The following INTS2 variants were observed in gnomAD, a reference collection of about 807,000 sequenced individuals.
INTS2 encodes KIAA1287.
Under a neutral mutation model 139.6 loss-of-function variants are expected in INTS2, and 57 were observed. The ratio of observed to expected loss-of-function variants is 0.41; its 90% CI spans 0.33 to 0.51. The LOEUF is 0.51. INTS2 is among the 20% of genes least tolerant of loss of function. INTS2 has a pLI of 0.28. For synonymous variants in INTS2, 473 were observed against 493.4 expected, an observed-to-expected ratio of 0.96 and a Z score of 0.55; for missense variants, 1,196 against 1,436.7, an observed-to-expected ratio of 0.83 and a Z score of 2.71.
intron 7 of INTS2, among the ~76,000 whole-genome samples, chr17:61,908,066 A>G (rs996054098): frequency 7.2e-5 from 11 of 152,222 alleles, no homozygotes; most frequent in African/African-American, 2.7e-4. Flanking sequence ...TTCCTTAATG[A>G]CAAGGAAATA....
intron 17 of INTS2, among the ~76,000 whole-genome samples, chr17:61,879,222 C>T (rs1603373506): frequency 6.6e-6 from 1 of 151,752 alleles, no homozygotes; most frequent in East Asian, 1.9e-4. Flanking sequence ...CCAGCCCAGA[C>T]TGATTTTAAA....
At position 61,923,750 on chromosome 17, in the gene INTS2, G is replaced by A. The variant is rs149097485; in HGVS notation, c.432+1211C>T. Among the ~76,000 whole-genome samples the A allele has an allele frequency of 7.9e-5, 12 of 151,652 alleles. No individual in the cohort carries two copies. The East Asian group carries it at 2.4e-3, about 30-fold the overall frequency. On this transcript the variant is annotated intron_variant, in intron 3 of 24. Coordinates refer to ENST00000251334, the MANE Select transcript of INTS2 (RefSeq NM_001351695.2). ...GCTGGAGTGCAATGGCACAATCTCG[G>A]CTCACCACAACCTCCACCTCCCAGG...
chr17:61,924,183 T>C (rs937331144), intron 3 of INTS2, among the ~76,000 whole-genome samples: 3 of 152,204 alleles, frequency 2.0e-5, no homozygotes, highest in Admixed American at 2.0e-4. Flanking sequence ...CTGTCATATA[T>C]GAGGCTGTTA....
intron 16 of INTS2, among the ~76,000 whole-genome samples, chr17:61,881,669 T>C (rs769744480): frequency 1.7e-4 from 26 of 152,152 alleles, no homozygotes; most frequent in Non-Finnish European, 3.2e-4. Flanking sequence ...TGCAGAATAA[T>C]GAATACCATC....
chr17:61,896,717 C>T (rs538027251), intron 11 of INTS2, among the ~76,000 whole-genome samples: 1 of 151,950 alleles, frequency 6.6e-6, no homozygotes, highest in South Asian at 2.1e-4. Flanking sequence ...TAAGTGATAC[C>T]ACTGTTCATC....
intron 3 of INTS2, among the ~76,000 whole-genome samples, chr17:61,923,619 G>A (rs1035566609): frequency 6.0e-5 from 9 of 151,222 alleles, no homozygotes; most frequent in Non-Finnish European, 1.0e-4. Flanking sequence ...TAAATTAACT[G>A]ACTCCCCAAA....
chr17:61,918,920 G>A (rs1004455434), intron 5 of INTS2, among the ~76,000 whole-genome samples: 2 of 147,102 alleles, frequency 1.4e-5, no homozygotes, highest in African/African-American at 4.9e-5. Flanking sequence ...CTAGTTCCTT[G>A]GGGTTTTTTT....
At chr17:61,894,818 A>G (rs1329435188) in intron 12 of INTS2, among the ~76,000 whole-genome samples, 2 of 150,956 alleles carry the variant, frequency 1.3e-5, no homozygotes, top group African/African-American at 4.9e-5. Flanking sequence ...ACTGTATACT[A>G]GCCTGGGTGA....
At chr17:61,879,968 T>G (rs746827225) in intron 17 of INTS2, among the ~76,000 whole-genome samples, 10 of 152,244 alleles carry the variant, frequency 6.6e-5, no homozygotes, top group Admixed American at 1.3e-4. Context: ...TATATAGGTG[T>G]TATAGCTCAC....
Position 61,893,210 on chromosome 17 carries a change from T to C in INTS2, c.1698+555A>G, listed in dbSNP as rs1483803875. On this transcript the variant is annotated intron_variant, in intron 13 of 24. Transcript: ENST00000251334. The surrounding 1 kb of genome is among the most constrained non-coding windows in gnomAD (Gnocchi z 5.4). The stretch of plus-strand genomic sequence containing the variant: ...AATGGAGTATTATGCATTTTGAAAA[T>C]CTTACATTGTTTTAAAAATCTGAAA... 6.6e-6 allele frequency among the ~76,000 whole-genome samples: 1 copy of C among 151,982 alleles called. No homozygotes were observed. Among genetic ancestry groups the C allele is most frequent in the African/African-American group, 2.4e-5 (1 of 41,376 alleles).
chr17:61,886,501 A>T (rs2079230230), intron 15 of INTS2, among the ~76,000 whole-genome samples: 1 of 152,120 alleles, frequency 6.6e-6, no homozygotes, highest in Non-Finnish European at 1.5e-5. Flanking sequence ...TTGTTTAAAT[A>T]TCTTCTATGG....
intron 16 of INTS2, among the ~76,000 whole-genome samples, chr17:61,881,510 T>C (rs2079178627): frequency 6.6e-6 from 1 of 152,002 alleles, no homozygotes; most frequent in Non-Finnish European, 1.5e-5. Context: ...GGCAGGAGAA[T>C]CACTTGAACC....
At chr17:61,907,771 T>C (rs1349194706) in intron 7 of INTS2, 137 bp from the exon 8 acceptor site, 4 of 649,958 alleles carry the variant, frequency 6.2e-6, no homozygotes, top group Non-Finnish European at 1.1e-5. Flanking sequence ...CAGAATCTCA[T>C]TTTAACCAAT....
In INTS2 at chr17:61,927,683, C is replaced by T. The variant is rs1334025271; in HGVS notation, c.-48G>A. 7.0e-7 allele frequency: 1 copy of T among 1,430,998 alleles called. No individual in the cohort carries two copies. The highest frequency in any genetic ancestry group is 2.6e-5 in the East Asian group (1 of 39,056). The allele number at this position is 1,430,998 out of a possible 1,614,324, so 88.6% of individuals were successfully genotyped here. On this transcript the variant is annotated 5_prime_UTR_variant, in exon 1 of 25. Transcript: ENST00000251334. ...AGATCTACCCTCCAGCCTCACGGAA[C>T]CGCACACGGACTCCGCGTCCTAGAG... is the stretch of plus-strand genomic sequence containing the variant.
At chr17:61,924,884 GTC>G in intron 3 of INTS2, 75 bp downstream of exon 3, 1 of 1,437,856 alleles carries the variant, frequency 7.0e-7, no homozygotes, top group Non-Finnish European at 9.6e-7. Context: ...CTGACTTCTT[GTC>G]TCTTTTTCTG....
In INTS2 at chr17:61,869,287, C is replaced by G; in HGVS notation, c.3124G>C (p.Glu1042Gln). The change falls in exon 22 of 25, where the codon GAA (glutamate) becomes CAA (glutamine). Residue 1042 changes from glutamate to glutamine, a missense_variant. This residue lies in a region of INTS2 where 1,129 missense variants were observed against 1,341.9 expected (regional missense o/e 0.84). Transcript: ENST00000251334. The surrounding 1 kb of genome is among the most constrained non-coding windows in gnomAD (Gnocchi z 5.4). Reference sequence around the variant, plus strand: ...ATGCTCATTACCTGTTTCTCAAGTTCTGGCTGTGCAATAAGCTCAGGTATG... The same window carrying G: ...ATGCTCATTACCTGTTTCTCAAGTTGTGGCTGTGCAATAAGCTCAGGTATG... Reference protein sequence around the residue: ...DFIPELIAQPELEKQIFAIQL... With the variant: ...DFIPELIAQPQLEKQIFAIQL... The G allele has an allele frequency of 6.2e-7, 1 of 1,603,908 alleles. No individual in the cohort carries two copies. The highest frequency in any genetic ancestry group is 8.5e-7 in the Non-Finnish European group (1 of 1,174,052).
chr17:61,923,326 G>C (rs970271825), intron 3 of INTS2, among the ~76,000 whole-genome samples: 1 of 147,626 alleles, frequency 6.8e-6, no homozygotes, highest in Non-Finnish European at 1.5e-5. Flanking sequence ...AAATACAAAA[G>C]ATTAGCCAGG....
chr17:61,924,797 C>G (rs2079691627), intron 3 of INTS2, among the ~76,000 whole-genome samples, 164 bp downstream of exon 3: 1 of 152,056 alleles, frequency 6.6e-6, no homozygotes, highest in Non-Finnish European at 1.5e-5. Flanking sequence ...CCACTGCATT[C>G]CAGCTTGGGC....
chr17:61,889,323 G>A (rs574973484), intron 15 of INTS2, among the ~76,000 whole-genome samples: 2 of 152,252 alleles, frequency 1.3e-5, no homozygotes, highest in South Asian at 2.1e-4. Context: ...CTGACCTCAG[G>A]TGATCCGCCC....
Sources: allele counts gnomAD v4.1 joint callset (sites outside exome capture counted in the v4.1 genomes callset), GRCh38; gene constraint gnomAD v4.1.1; regional missense constraint gnomAD v4.1.1; non-coding constraint Gnocchi (gnomAD v3.1); transcripts MANE v1.5; gene names NCBI Gene and HGNC (gene_info 2026-07-23, HGNC 2026-07-21).